CSMD1: variants seen among roughly 807,000 people sequenced by gnomAD.
CSMD1 encodes CUB and sushi domain-containing protein 1.
Under a neutral mutation model 417.5 loss-of-function variants are expected in CSMD1, and 213 were observed. The ratio of observed to expected loss-of-function variants is 0.51; its 90% CI spans 0.46 to 0.57. The LOEUF is 0.57. CSMD1 is among the 20% of genes least tolerant of loss of function. The pLI is 0.00. For synonymous variants in CSMD1, 2,862 were observed against 1,736.8 expected (o/e 1.65, Z -16.11); for missense variants, 6,923 against 4,529.7 (o/e 1.53, Z -15.17).
chr8:4,890,768 C>G (rs1244879286), intron 1 of CSMD1, among the ~76,000 whole-genome samples: 1 of 151,832 alleles, frequency 6.6e-6, no homozygotes, highest in Non-Finnish European at 1.5e-5. Context: ...GAAGAAAGCG[C>G]AATCACTTTT....
rs1490210772 is a variant in CSMD1 at position 3,097,029 on chromosome 8, G to C, written c.6958C>G (p.Pro2320Ala). ...GATCCAGTCCGGACTTCATTTGCTG[G>C]GCATTGTGCTGGAGAGAAAAGTACC... ...GSLPTCEAQC[P>A]ANEVRTGSSG... Residue 2320 changes from proline to alanine, a missense_variant, in exon 47 of 70, where the codon CCA (proline) becomes GCA (alanine). Pro to Ala is a conservative substitution (Grantham distance 27). Coordinates refer to ENST00000635120, the MANE Select transcript of CSMD1 (RefSeq NM_033225.6). 6.5e-7 allele frequency: 1 copy of C among 1,542,394 alleles called. No homozygotes were observed. Among genetic ancestry groups the C allele is most frequent in the African/African-American group, 1.4e-5 (1 of 72,652 alleles).
intron 2 of CSMD1, among the ~76,000 whole-genome samples, chr8:4,459,601 G>C (rs1799686809): frequency 1.3e-5 from 2 of 152,208 alleles, no homozygotes; most frequent in Admixed American, 1.3e-4. Context: ...GATAATAAGA[G>C]ACAGAGAAGA....
chr8:4,094,109 C>T (rs1476129313), intron 3 of CSMD1, among the ~76,000 whole-genome samples: 1 of 151,784 alleles, frequency 6.6e-6, no homozygotes, highest in African/African-American at 2.4e-5. Flanking sequence ...AAACGGCTTC[C>T]CCAACAGATG....
intron 12 of CSMD1, among the ~76,000 whole-genome samples, chr8:3,434,265 T>C (rs961582998): frequency 6.6e-6 from 1 of 152,196 alleles, no homozygotes; most frequent in Non-Finnish European, 1.5e-5. Flanking sequence ...TTTAAAACTG[T>C]GTTTCATTTT....
intron 4 of CSMD1, among the ~76,000 whole-genome samples, chr8:4,003,252 G>A (rs999956407): frequency 1.6e-4 from 25 of 152,150 alleles, no homozygotes; most frequent in Admixed American, 2.6e-4. Context: ...AAGTAGCTGG[G>A]TGTGGTGACG....
intron 1 of CSMD1, among the ~76,000 whole-genome samples, chr8:4,876,013 G>C (rs921387414): frequency 6.6e-6 from 1 of 151,982 alleles, no homozygotes; most frequent in Non-Finnish European, 1.5e-5. Flanking sequence ...AGAGTAAAAA[G>C]TTAGAATTTT....
chr8:2,992,574 C>A (rs775037625), intron 54 of CSMD1, among the ~76,000 whole-genome samples: 1 of 151,674 alleles, frequency 6.6e-6, no homozygotes, highest in Non-Finnish European at 1.5e-5. Context: ...CAGGTGTGCA[C>A]CACCACACCT....
Position 2,998,094 on chromosome 8 carries a change from T to C in CSMD1, c.8294A>G (p.Asn2765Ser). Residue 2765 changes from asparagine (N) to serine (S), a missense_variant, in exon 54 of 70, where the codon AAC becomes AGC. Coordinates refer to ENST00000635120, the MANE Select transcript of CSMD1 (RefSeq NM_033225.6). ...NLNDVVNFTC[N>S]TGYLLQGVSR... ...CACGCCCTGCAGCAAATAGCCCGTG[T>C]TGCAGGTGAAATTCACGACATCATT... 1 of 1,614,030 alleles carries C rather than the reference T, an allele frequency of 6.2e-7. No individual in the cohort carries two copies. Among genetic ancestry groups the C allele is most frequent in the Non-Finnish European group, 8.5e-7 (1 of 1,179,876 alleles).
chr8:3,078,606 A>C (rs1250986449), intron 49 of CSMD1, among the ~76,000 whole-genome samples: 1 of 152,206 alleles, frequency 6.6e-6, no homozygotes, highest in African/African-American at 2.4e-5. Context: ...ACAAGCTAAA[A>C]ATGGCTTTTA....
intron 1 of CSMD1, among the ~76,000 whole-genome samples, chr8:4,932,851 T>G (rs56274006): frequency 0.31 from 47,208 of 152,120 alleles, 8,280 homozygotes; most frequent in Non-Finnish European, 0.4. Flanking sequence ...ACAGGTCCTG[T>G]CGACGCCTCA....
chr8:3,956,833 A>G (rs1336762035), intron 5 of CSMD1, among the ~76,000 whole-genome samples: 3 of 152,154 alleles, frequency 2.0e-5, no homozygotes, highest in East Asian at 1.9e-4. Context: ...GGAAGAGAGA[A>G]TGTTGGTGGC....
intron 2 of CSMD1, among the ~76,000 whole-genome samples, chr8:4,505,831 C>T (rs1802496840): frequency 1.3e-5 from 2 of 151,670 alleles, no homozygotes; most frequent in South Asian, 4.2e-4. Flanking sequence ...GATAGAGTCT[C>T]ACTCTGTCAC....
chr8:4,816,956 G>C (rs1047554267), intron 1 of CSMD1, among the ~76,000 whole-genome samples: 4 of 152,120 alleles, frequency 2.6e-5, no homozygotes, highest in African/African-American at 9.7e-5. Flanking sequence ...TTGAAGGACA[G>C]CTACCATTTA....
chr8:4,730,116 A>G (rs1809745624), intron 1 of CSMD1, among the ~76,000 whole-genome samples: 2 of 152,206 alleles, frequency 1.3e-5, no homozygotes, highest in African/African-American at 4.8e-5. Flanking sequence ...CTCCGCACTT[A>G]GAAGCATTGA....
At chr8:3,714,730 C>A (rs554327805) in intron 6 of CSMD1, among the ~76,000 whole-genome samples, 2 of 151,868 alleles carry the variant, frequency 1.3e-5, no homozygotes, top group Non-Finnish European at 2.9e-5. Flanking sequence ...CAGTGAGACC[C>A]TTTAGTTTCT....
intron 5 of CSMD1, among the ~76,000 whole-genome samples, chr8:3,778,630 C>A (rs1176660799): frequency 6.6e-6 from 1 of 152,208 alleles, no homozygotes; most frequent in Non-Finnish European, 1.5e-5. Context: ...ACCTCTCCTT[C>A]CTGCCTCCAA....
chr8:3,999,194 C>A (rs748712926), intron 4 of CSMD1, among the ~76,000 whole-genome samples: 3 of 151,696 alleles, frequency 2.0e-5, no homozygotes, highest in Non-Finnish European at 2.9e-5. Context: ...TACTTCCTAT[C>A]CATAATATAT....
At chr8:3,302,983 T>TA (rs1291926464) in intron 25 of CSMD1, among the ~76,000 whole-genome samples, 6 of 152,138 alleles carry the variant, frequency 3.9e-5, no homozygotes, top group African/African-American at 1.4e-4. Context: ...AGCCCCAGGT[T>TA]AAAGGGGGTC....
chr8:4,963,242 G>A (rs370048232), intron 1 of CSMD1, among the ~76,000 whole-genome samples: 4 of 151,908 alleles, frequency 2.6e-5, no homozygotes, highest in Admixed American at 1.3e-4. Flanking sequence ...GCTCTGTCAC[G>A]CAGGCTGGAG....
Sources: gnomAD v4.1 joint callset for allele counts (sites outside exome capture counted in the v4.1 genomes callset) on GRCh38, gnomAD v4.1.1 for gene constraint, MANE v1.5 for transcripts, NCBI Gene and HGNC (gene_info 2026-07-23, HGNC 2026-07-21) for gene names.